The following SLC44A5 variants were observed in gnomAD, a reference collection of about 807,000 sequenced individuals.
The protein encoded by SLC44A5 is solute carrier family 44 member 5, also known as choline transporter-like protein 5.
Under a neutral mutation model 101.8 loss-of-function variants are expected in SLC44A5, and 57 were observed. The observed-to-expected ratio is 0.56, with a 90% CI of 0.45 to 0.70. The LOEUF (loss-of-function observed/expected upper bound fraction) is 0.70. Ranked by LOEUF, SLC44A5 falls within the 30% of genes least tolerant of loss-of-function variation. The pLI, the probability that SLC44A5 is intolerant of heterozygous loss-of-function variation, is 0.00. For missense variants in SLC44A5, 737 were observed against 853.1 expected, an observed-to-expected ratio of 0.86 and a Z score of 1.70; for synonymous variants, 281 against 290.9, an observed-to-expected ratio of 0.97 and a Z score of 0.35.
the SLC44A5 span, among the ~76,000 whole-genome samples, chr1:75,665,943 G>GCTA: frequency 6.6e-6 from 1 of 151,986 alleles, no homozygotes; most frequent in African/African-American, 2.4e-5. Flanking sequence ...AGTCAGAATG[G>GCTA]CTACTATTAA....
intron 2 of SLC44A5, among the ~76,000 whole-genome samples, chr1:75,505,227 TTTC>T (rs1669182154): frequency 1.3e-5 from 2 of 152,172 alleles, no homozygotes; most frequent in Non-Finnish European, 2.9e-5. Context: ...TGGAAAATAT[TTTC>T]TTTATTCACA....
At chr1:75,217,606 T>C (rs11162810) in intron 18 of SLC44A5, among the ~76,000 whole-genome samples, 53,732 of 151,928 alleles carry the variant, frequency 0.35, 10,568 homozygotes, top group East Asian at 0.81. Flanking sequence ...AATCTCCTTT[T>C]TGAAATTTGT....
At chr1:75,393,959 G>T (rs956592854) in intron 3 of SLC44A5, among the ~76,000 whole-genome samples, 1 of 152,080 alleles carries the variant, frequency 6.6e-6, no homozygotes, top group South Asian at 2.1e-4. Flanking sequence ...TAAGTCCAGG[G>T]CAAGAAAGAG....
chr1:75,342,165 T>C (rs1363453664), intron 3 of SLC44A5, among the ~76,000 whole-genome samples: 1 of 152,118 alleles, frequency 6.6e-6, no homozygotes, highest in African/African-American at 2.4e-5. Flanking sequence ...GAAAGAGTTT[T>C]AGGAAGAGAC....
intron 1 of SLC44A5, among the ~76,000 whole-genome samples, chr1:75,591,667 G>C (rs932534081): frequency 2.0e-5 from 3 of 152,094 alleles, no homozygotes; most frequent in Non-Finnish European, 2.9e-5. Flanking sequence ...ACACTAGAAA[G>C]ATCGTTTATA....
chr1:75,283,712 T>A (rs1652807553), intron 5 of SLC44A5, among the ~76,000 whole-genome samples: 1 of 152,204 alleles, frequency 6.6e-6, no homozygotes. Context: ...TTCTTCTACA[T>A]GTGGCTTACC....
intron 2 of SLC44A5, among the ~76,000 whole-genome samples, chr1:75,499,969 A>G (rs777956009): frequency 1.3e-5 from 2 of 152,178 alleles, no homozygotes; most frequent in African/African-American, 4.8e-5. Flanking sequence ...GACCCTGCCC[A>G]TAAACCCCTC....
At chr1:75,373,097 C>A (rs909072900) in intron 3 of SLC44A5, among the ~76,000 whole-genome samples, 4 of 152,050 alleles carry the variant, frequency 2.6e-5, no homozygotes, top group Admixed American at 1.3e-4. Flanking sequence ...TAAATTAGGT[C>A]AAAGTGTCAG....
At chr1:75,214,554 G>A in intron 20 of SLC44A5, 51 bp downstream of exon 20, 1 of 1,433,532 alleles carries the variant, frequency 7.0e-7, no homozygotes, top group Non-Finnish European at 9.7e-7. Context: ...AGGATGTAAT[G>A]CTCAAGGTTC....
chr1:75,703,171 A>G, the SLC44A5 span, among the ~76,000 whole-genome samples: 1 of 151,422 alleles, frequency 6.6e-6, no homozygotes, highest in Non-Finnish European at 1.5e-5. Flanking sequence ...TATATACCCA[A>G]AGGATTATAA....
chr1:75,238,385 C>CATATATATATAT (rs71081318), intron 10 of SLC44A5, 128 bp downstream of exon 10: 3,142 of 214,876 alleles, frequency 0.015, 67 homozygotes, highest in South Asian at 0.02. Flanking sequence ...ACGTATATTT[C>CATATATATATAT]ATATATATAT....
chr1:75,677,103 G>C, the SLC44A5 span, among the ~76,000 whole-genome samples: 2,838 of 152,178 alleles, frequency 0.019, 94 homozygotes, highest in African/African-American at 0.065. Context: ...AAATGTTAAA[G>C]ACAGTTCTTC....
At chr1:75,664,682 G>T in the SLC44A5 span, among the ~76,000 whole-genome samples, 1 of 152,120 alleles carries the variant, frequency 6.6e-6, no homozygotes, top group Non-Finnish European at 1.5e-5. Flanking sequence ...AGCACTTTGG[G>T]AGGCCGAGGC....
At chr1:75,697,743 G>A in the SLC44A5 span, among the ~76,000 whole-genome samples, 1 of 152,218 alleles carries the variant, frequency 6.6e-6, no homozygotes, top group Non-Finnish European at 1.5e-5. Flanking sequence ...TGAGGTACCG[G>A]GTTCATCTCA....
chr1:75,279,360 G>C (rs766355358), intron 5 of SLC44A5, among the ~76,000 whole-genome samples: 2 of 152,028 alleles, frequency 1.3e-5, no homozygotes, highest in African/African-American at 4.8e-5. Flanking sequence ...AAGTCAAGCA[G>C]AAAGTGAGGT....
intron 1 of SLC44A5, among the ~76,000 whole-genome samples, chr1:75,583,318 A>G (rs190137444): frequency 2.1e-4 from 32 of 152,312 alleles, no homozygotes; most frequent in African/African-American, 7.7e-4. Flanking sequence ...GCAGCCTTCC[A>G]AATATTGGAT....
chr1:75,221,707 T>C (rs1394154691), intron 14 of SLC44A5, among the ~76,000 whole-genome samples: 6 of 152,176 alleles, frequency 3.9e-5, no homozygotes, highest in African/African-American at 1.4e-4. Flanking sequence ...TAATATTACA[T>C]GTAATCTAGC....
the SLC44A5 span, among the ~76,000 whole-genome samples, chr1:75,662,370 G>C: frequency 6.6e-6 from 1 of 152,010 alleles, no homozygotes; most frequent in African/African-American, 2.4e-5. Context: ...GAGGGAGCTG[G>C]AGTATGAAGA....
chr1:75,556,311 A>T (rs577214015), intron 1 of SLC44A5, among the ~76,000 whole-genome samples: 68 of 152,274 alleles, frequency 4.5e-4, no homozygotes, highest in Non-Finnish European at 8.8e-4. Flanking sequence ...AGCCAATTAT[A>T]CCTCAACAAA....
Sources: gnomAD v4.1 joint callset for allele counts (sites outside exome capture counted in the v4.1 genomes callset) on GRCh38, gnomAD v4.1.1 for gene constraint, MANE v1.5 for transcripts, NCBI Gene and HGNC (gene_info 2026-07-23, HGNC 2026-07-21) for gene names.